The following RIN3 variants were observed in gnomAD, a reference collection of about 807,000 sequenced individuals.
RIN3 encodes the protein Ras and Rab interactor 3.
Under a neutral mutation model 76.3 loss-of-function variants are expected in RIN3, and 54 were observed. That is an observed-to-expected ratio of 0.71 (90% confidence interval 0.57 to 0.89). The LOEUF (loss-of-function observed/expected upper bound fraction) is 0.89, where lower values mean the gene tolerates loss of function less well. Among genes scored for constraint, RIN3 ranks in the 40% least tolerant of loss-of-function variants. The probability of loss-of-function intolerance (pLI) is 0.00; values close to 1 mark genes in which losing one functional copy is unlikely to be tolerated. For missense variants in RIN3, 1,256 were observed against 1,322.1 expected (o/e 0.95, Z 0.78); for synonymous variants, 576 against 564.0 (o/e 1.02, Z -0.30).
At chr14:92,556,071 T>TAGC in intron 2 of RIN3, 116 bp downstream of exon 2, 1 of 815,646 alleles carries the variant, frequency 1.2e-6, no homozygotes, top group Non-Finnish European at 1.9e-6. Flanking sequence ...GACTGCATGT[T>TAGC]TATTTCCCTT....
Position 92,643,178 on chromosome 14 carries a change from C to T in RIN3, c.532+1849C>T, listed in dbSNP as rs990004899. On this transcript the variant is annotated intron_variant, in intron 5 of 9. Transcript: ENST00000216487. This position sits in a 1 kb window ranked among gnomAD's most constrained non-coding sequence, Gnocchi z 4.8. ...AAGCGATTCTTCTGCCTCAGCCTCC[C>T]GAGTAGCTGGGACTACAGGCGCATG... 2.6e-5 allele frequency among the ~76,000 whole-genome samples: 4 copies of T among 152,044 alleles called. No individual in the cohort carries two copies. The highest frequency in any genetic ancestry group is 9.7e-5 in the African/African-American group (4 of 41,382).
intron 5 of RIN3, among the ~76,000 whole-genome samples, chr14:92,649,833 T>A (rs1887345411): frequency 6.6e-6 from 1 of 152,180 alleles, no homozygotes; most frequent in African/African-American, 2.4e-5. Context: ...CTGGCTGTGA[T>A]ATTCAGGCAG....
Position 92,656,277 on chromosome 14 carries a change from A to AGGCTG in RIN3, c.2027-2882_2027-2878dup, listed in dbSNP as rs1056921157. 6.6e-6 allele frequency among the ~76,000 whole-genome samples: 1 copy of AGGCTG among 152,170 alleles called. No individual in the cohort carries two copies. The highest frequency in any genetic ancestry group is 2.4e-5 in the African/African-American group (1 of 41,442). On this transcript the variant is annotated intron_variant, in intron 6 of 9. Coordinates refer to ENST00000216487, the MANE Select transcript of RIN3 (RefSeq NM_024832.5). This position sits in a 1 kb window ranked among gnomAD's most constrained non-coding sequence, Gnocchi z 5.2. ...GACAAAGGCCGAGAGGTGGGGAACG[A>AGGCTG]GGCTGGAGGATCACGGGCCATTCAC...
chr14:92,621,745 A>G (rs549752985), intron 4 of RIN3, among the ~76,000 whole-genome samples: 3 of 152,370 alleles, frequency 2.0e-5, no homozygotes, highest in Non-Finnish European at 2.9e-5. Flanking sequence ...AGACCCTTTA[A>G]AAGGTGCTAG....
chr14:92,537,498 A>G (rs753601760), intron 1 of RIN3, among the ~76,000 whole-genome samples: 8 of 152,146 alleles, frequency 5.3e-5, no homozygotes, highest in Non-Finnish European at 8.8e-5. Context: ...AACTGTACGT[A>G]TAAGTTCCCA....
intron 8 of RIN3, among the ~76,000 whole-genome samples, chr14:92,680,981 T>A (rs1481359410): frequency 6.7e-6 from 1 of 149,990 alleles, no homozygotes; most frequent in Non-Finnish European, 1.5e-5. Flanking sequence ...CCTGCCCCTG[T>A]GAAGTCATGG....
chr14:92,592,293 C>T (rs1451418867), intron 3 of RIN3, among the ~76,000 whole-genome samples: 2 of 151,022 alleles, frequency 1.3e-5, no homozygotes, highest in African/African-American at 4.9e-5. Context: ...CCCAGCTACT[C>T]GAGAGGCTGA....
intron 2 of RIN3, among the ~76,000 whole-genome samples, chr14:92,560,404 C>T (rs1040934551): frequency 6.6e-6 from 1 of 152,126 alleles, no homozygotes; most frequent in Non-Finnish European, 1.5e-5. Context: ...CGCCCCACTC[C>T]TCCCCGTGCA....
intron 1 of RIN3, among the ~76,000 whole-genome samples, chr14:92,525,729 C>T (rs930899169): frequency 2.0e-5 from 3 of 152,188 alleles, no homozygotes; most frequent in Non-Finnish European, 2.9e-5. Flanking sequence ...GCCATAGACT[C>T]TCAGGCAGCG....
chr14:92,621,817 T>C (rs1886193760), intron 4 of RIN3, among the ~76,000 whole-genome samples: 1 of 152,230 alleles, frequency 6.6e-6, no homozygotes, highest in Admixed American at 6.5e-5. Context: ...TAAACACATC[T>C]AGACGTGTAT....
intron 3 of RIN3, among the ~76,000 whole-genome samples, chr14:92,598,095 A>C (rs1204662926): frequency 6.6e-6 from 1 of 152,162 alleles, no homozygotes; most frequent in Non-Finnish European, 1.5e-5. Flanking sequence ...AAGTGACACT[A>C]TGCCAGTCGC....
chr14:92,554,630 A>C (rs1299527540), intron 1 of RIN3, among the ~76,000 whole-genome samples: 1 of 152,232 alleles, frequency 6.6e-6, no homozygotes, highest in Non-Finnish European at 1.5e-5. Context: ...CACATTTAAA[A>C]TATTATCTTG....
chr14:92,671,397 C>T (rs1352327331), intron 7 of RIN3, among the ~76,000 whole-genome samples: 1 of 152,100 alleles, frequency 6.6e-6, no homozygotes, highest in Non-Finnish European at 1.5e-5. Flanking sequence ...GGCCGTGGTG[C>T]AGCCCAGTGG....
intron 7 of RIN3, among the ~76,000 whole-genome samples, chr14:92,668,712 T>C (rs1233432563): frequency 1.3e-5 from 2 of 152,180 alleles, no homozygotes; most frequent in African/African-American, 4.8e-5. Flanking sequence ...TCAGTAGTTT[T>C]CAAACTATTT....
rs1888968310 is a variant in RIN3 at position 92,688,555 on chromosome 14, A to T, written c.*303A>T. 1 of 449,654 alleles carries T rather than the reference A, an allele frequency of 2.2e-6. No individual in the cohort carries two copies. The highest frequency in any genetic ancestry group is 3.0e-5 in the South Asian group (1 of 33,214). 27.9% of individuals were successfully genotyped at this position (449,654 alleles called of 1,614,324 possible). A position where few individuals can be genotyped will look rare whatever the true frequency, so the allele number is the denominator to read the frequency against. On this transcript the variant is annotated 3_prime_UTR_variant, in exon 10 of 10. Transcript: ENST00000216487. ...CAGCCAACAAACCGGCGCCCTCTTC[A>T]CACGTAGCTCCTCAGGCCATTCCCC...
intron 3 of RIN3, among the ~76,000 whole-genome samples, chr14:92,615,075 T>A (rs1275243997): frequency 3.1e-4 from 47 of 152,132 alleles, no homozygotes; most frequent in African/African-American, 1.1e-3. Context: ...ACTCCTGACC[T>A]TGTGATTCGC....
At chr14:92,528,338 G>C (rs1261424585) in intron 1 of RIN3, among the ~76,000 whole-genome samples, 1 of 152,222 alleles carries the variant, frequency 6.6e-6, no homozygotes, top group Non-Finnish European at 1.5e-5. Context: ...GTGGTGGTCA[G>C]GGCTGTGAGC....
intron 8 of RIN3, among the ~76,000 whole-genome samples, chr14:92,684,397 A>AAAG (rs1888773563): frequency 6.6e-6 from 1 of 151,858 alleles, no homozygotes; most frequent in Non-Finnish European, 1.5e-5. Flanking sequence ...AAAAAAAAAA[A>AAAG]AAAAACCTCA....
chr14:92,564,824 ACGCG>A (rs567985102), intron 2 of RIN3, among the ~76,000 whole-genome samples: 1 of 152,114 alleles, frequency 6.6e-6, no homozygotes, highest in Non-Finnish European at 1.5e-5. Context: ...GCGCACACAC[ACGCG>A]CGCGCGCAGG....
Sources: gnomAD v4.1 joint callset for allele counts (sites outside exome capture counted in the v4.1 genomes callset) on GRCh38, gnomAD v4.1.1 for gene constraint, Gnocchi (gnomAD v3.1) non-coding constraint, MANE v1.5 for transcripts, NCBI Gene and HGNC (gene_info 2026-07-23, HGNC 2026-07-21) for gene names.